RPTOR: variants seen among roughly 807,000 people sequenced by gnomAD.
RPTOR encodes the protein regulatory associated protein of MTOR complex 1, also known as regulatory-associated protein of mTOR.
A neutral mutation model predicts 169.9 loss-of-function variants in RPTOR; 21 were observed. That is an observed-to-expected ratio of 0.12 (90% CI 0.09 to 0.18). The LOEUF (loss-of-function observed/expected upper bound fraction) is 0.18. RPTOR is among the 10% of genes least tolerant of loss of function. The probability of loss-of-function intolerance (pLI) is 1.00; values close to 1 mark genes in which losing one functional copy is unlikely to be tolerated. For missense variants in RPTOR, 1,133 were observed against 1,855.9 expected, an observed-to-expected ratio of 0.61 and a Z score of 7.16; for synonymous variants, 732 against 753.2, an observed-to-expected ratio of 0.97 and a Z score of 0.46.
chr17:80,821,373 G>C (rs137873590), intron 7 of RPTOR, among the ~76,000 whole-genome samples: 2 of 152,340 alleles, frequency 1.3e-5, no homozygotes, highest in African/African-American at 4.8e-5. Flanking sequence ...GGGAATTGCT[G>C]ATCAGCTAAA....
chr17:80,864,528 T>G (rs1244008051), intron 13 of RPTOR, among the ~76,000 whole-genome samples: 4 of 151,324 alleles, frequency 2.6e-5, no homozygotes, highest in Non-Finnish European at 4.4e-5. Context: ...ACTGTCAACC[T>G]AGAATTCTAT....
intron 20 of RPTOR, among the ~76,000 whole-genome samples, chr17:80,897,919 A>T (rs942225774): frequency 6.6e-6 from 1 of 151,604 alleles, no homozygotes; most frequent in Non-Finnish European, 1.5e-5. Context: ...AAAACAAAAC[A>T]AAACTGGCTC....
chr17:80,964,741 G>A lies in RPTOR; in HGVS notation c.*411G>A. 1 of 274,870 alleles carries A rather than the reference G, an allele frequency of 3.6e-6. No individual in the cohort carries two copies. Among genetic ancestry groups the A allele is most frequent in the East Asian group, 5.4e-5 (1 of 18,650 alleles). 17.0% of individuals were successfully genotyped at this position (274,870 alleles called of 1,614,324 possible). On this transcript the variant is annotated 3_prime_UTR_variant, in exon 34 of 34. Transcript: ENST00000306801. ...GAGGCAGGCGCTGGGGCTCCTACGG[G>A]TCCCTGGGGCAGCTGTCCCCATCAG...
chr17:80,658,951 G>T (rs1403274153), intron 3 of RPTOR, among the ~76,000 whole-genome samples: 1 of 152,188 alleles, frequency 6.6e-6, no homozygotes, highest in Non-Finnish European at 1.5e-5. Context: ...CTTTGAAATG[G>T]GGGGTGTGTG....
chr17:80,849,540 G>A (rs1397536662), intron 11 of RPTOR, among the ~76,000 whole-genome samples: 4 of 152,144 alleles, frequency 2.6e-5, no homozygotes, highest in South Asian at 4.1e-4. Context: ...ATTTTTTTGA[G>A]ATGGAGTCTC....
At chr17:80,625,967 G>C (rs2065391121) in intron 2 of RPTOR, among the ~76,000 whole-genome samples, 174 bp downstream of exon 2, 1 of 152,234 alleles carries the variant, frequency 6.6e-6, no homozygotes, top group Admixed American at 6.5e-5. Flanking sequence ...GCGCTCACCT[G>C]TGATTGGTAG....
At chr17:80,586,881 T>C (rs1231436454) in intron 1 of RPTOR, among the ~76,000 whole-genome samples, 1 of 152,218 alleles carries the variant, frequency 6.6e-6, no homozygotes, top group African/African-American at 2.4e-5. Context: ...GCTGTTCCTG[T>C]TCCTTGGACT....
intron 6 of RPTOR, among the ~76,000 whole-genome samples, chr17:80,788,751 A>C (rs1327464051): frequency 6.6e-6 from 1 of 152,240 alleles, no homozygotes; most frequent in Non-Finnish European, 1.5e-5. Context: ...AAGACAGAAC[A>C]ATGGTCGCCA....
intron 9 of RPTOR, among the ~76,000 whole-genome samples, chr17:80,835,746 C>T (rs571308029): frequency 2.6e-4 from 40 of 152,224 alleles, no homozygotes; most frequent in Admixed American, 5.2e-4. Flanking sequence ...ACTTGGGTCC[C>T]ATCCCCTGAT....
intron 5 of RPTOR, among the ~76,000 whole-genome samples, chr17:80,738,005 G>A (rs60391720): frequency 0.062 from 9,339 of 151,264 alleles, 982 homozygotes; most frequent in African/African-American, 0.22. Flanking sequence ...AAGCCACTGT[G>A]AGAGGTTAAG....
chr17:80,640,654 G>C (rs1383161816), intron 2 of RPTOR, among the ~76,000 whole-genome samples: 1 of 152,238 alleles, frequency 6.6e-6, no homozygotes, highest in Non-Finnish European at 1.5e-5. Flanking sequence ...TACTAACGAG[G>C]GCCGCCATGT....
In RPTOR at chr17:80,694,687, T is replaced by A. The variant is rs113615547; in HGVS notation, c.349-13154T>A. Among the ~76,000 whole-genome samples the A allele has an allele frequency of 6.5e-3, 995 of 152,006 alleles. 10 individuals are homozygous for A. The highest frequency in any genetic ancestry group is 0.023 in the African/African-American group (961 of 41,474). ...AGCTCCGCACTTAAGTAAGGAGGAG[T>A]GATTTTCCCGAGGAGATGTGGTATT... On this transcript the variant is annotated intron_variant, in intron 3 of 33. Coordinates refer to ENST00000306801, the MANE Select transcript of RPTOR (RefSeq NM_020761.3).
intron 20 of RPTOR, among the ~76,000 whole-genome samples, chr17:80,904,764 G>T (rs892497087): frequency 1.3e-5 from 2 of 152,108 alleles, no homozygotes; most frequent in African/African-American, 4.8e-5. Flanking sequence ...TTTTACAACA[G>T]GACAGTTCAT....
chr17:80,901,874 G>A (rs2066744310), intron 20 of RPTOR, among the ~76,000 whole-genome samples: 1 of 150,300 alleles, frequency 6.7e-6, no homozygotes, highest in Admixed American at 6.6e-5. Context: ...CCTCAGTCAC[G>A]TGTTTCCTTT....
chr17:80,843,593 G>A (rs550059525), intron 10 of RPTOR, among the ~76,000 whole-genome samples: 9 of 151,920 alleles, frequency 5.9e-5, no homozygotes, highest in East Asian at 5.8e-4. Flanking sequence ...GTACAGGGGG[G>A]TAGAATGTCC....
intron 17 of RPTOR, among the ~76,000 whole-genome samples, chr17:80,887,365 G>A (rs192870376): frequency 3.8e-4 from 48 of 125,934 alleles, no homozygotes; most frequent in Non-Finnish European, 4.6e-4. Flanking sequence ...TACCGACTCC[G>A]GGGGTGTGCT....
intron 1 of RPTOR, among the ~76,000 whole-genome samples, chr17:80,605,525 C>T (rs192882292): frequency 4.6e-5 from 7 of 151,910 alleles, no homozygotes; most frequent in African/African-American, 1.2e-4. Context: ...GGACCATGGC[C>T]GAGAGGAAGT....
intron 24 of RPTOR, among the ~76,000 whole-genome samples, chr17:80,934,739 G>A (rs1333426778): frequency 6.6e-6 from 1 of 152,146 alleles, no homozygotes; most frequent in Non-Finnish European, 1.5e-5. Context: ...AACCTTTAAG[G>A]AGGAAATAAT....
chr17:80,834,460 C>T (rs996602957), intron 9 of RPTOR, among the ~76,000 whole-genome samples: 3 of 152,178 alleles, frequency 2.0e-5, no homozygotes, highest in African/African-American at 7.2e-5. Context: ...GTGTCATCCC[C>T]GCAGCCTCCT....
Sources: allele counts gnomAD v4.1 joint callset (sites outside exome capture counted in the v4.1 genomes callset), GRCh38; gene constraint gnomAD v4.1.1; transcripts MANE v1.5; gene names NCBI Gene and HGNC (gene_info 2026-07-23, HGNC 2026-07-21).